HIVEP2: variants seen among roughly 807,000 people sequenced by gnomAD.
HIVEP2 encodes transcription factor HIVEP2.
In HIVEP2, 14 loss-of-function variants were observed where a neutral mutation model predicts 180.7. The ratio of observed to expected loss-of-function variants is 0.08; its 90% confidence interval spans 0.05 to 0.12. HIVEP2 has a LOEUF of 0.12. Among genes scored for constraint, HIVEP2 ranks in the 10% least tolerant of loss-of-function variants. The probability of loss-of-function intolerance (pLI) is 1.00; values close to 1 mark genes in which losing one functional copy is unlikely to be tolerated. For synonymous variants in HIVEP2, 1,184 were observed against 1,136.4 expected (o/e 1.04, Z -0.84); for missense variants, 2,579 against 3,008.5 (o/e 0.86, Z 3.34).
chr6:142,944,590 G>A (rs1003959495), intron 1 of HIVEP2, among the ~76,000 whole-genome samples: 19 of 152,336 alleles, frequency 1.2e-4, no homozygotes, highest in Non-Finnish European at 2.5e-4. Flanking sequence ...AGCCGGCAGT[G>A]CCGCCGCGGC....
intron 1 of HIVEP2, among the ~76,000 whole-genome samples, chr6:142,872,032 T>C (rs750305484): frequency 7.9e-5 from 12 of 152,164 alleles, no homozygotes; most frequent in South Asian, 2.1e-4. Context: ...TCTGAATCAC[T>C]GCCATTACCC....
intron 9 of HIVEP2, among the ~76,000 whole-genome samples, chr6:142,757,730 G>A (rs1221814832): frequency 6.6e-6 from 1 of 152,034 alleles, no homozygotes; most frequent in Non-Finnish European, 1.5e-5. Context: ...AAAAAAACTT[G>A]TACAAACTCA....
At chr6:142,792,521 G>A (rs952475682) in intron 2 of HIVEP2, among the ~76,000 whole-genome samples, 5 of 152,004 alleles carry the variant, frequency 3.3e-5, no homozygotes, top group African/African-American at 9.7e-5. Context: ...GAGAACACAC[G>A]GACACAGGAA....
chr6:142,893,329 G>A (rs757336001), intron 1 of HIVEP2, among the ~76,000 whole-genome samples: 1 of 152,208 alleles, frequency 6.6e-6, no homozygotes, highest in Non-Finnish European at 1.5e-5. Context: ...AAACCCCACA[G>A]TAAAACAATT....
intron 1 of HIVEP2, among the ~76,000 whole-genome samples, chr6:142,888,661 C>G (rs567855801): frequency 1.3e-5 from 2 of 152,222 alleles, no homozygotes; most frequent in South Asian, 2.1e-4. Flanking sequence ...TTGATGAGGT[C>G]AAACATTCAA....
chr6:142,777,484 T>TA (rs1356390771), intron 3 of HIVEP2, among the ~76,000 whole-genome samples: 4 of 151,550 alleles, frequency 2.6e-5, no homozygotes, highest in Non-Finnish European at 4.4e-5. Flanking sequence ...CTGTTTCTAC[T>TA]AAAAATATAA....
chr6:142,909,403 T>C (rs1777345794), intron 1 of HIVEP2, among the ~76,000 whole-genome samples: 1 of 152,166 alleles, frequency 6.6e-6, no homozygotes, highest in Non-Finnish European at 1.5e-5. Context: ...TATCTACATA[T>C]ATGAGTATTT....
intron 1 of HIVEP2, among the ~76,000 whole-genome samples, chr6:142,917,711 G>A (rs1195097259): frequency 6.6e-6 from 1 of 151,780 alleles, no homozygotes; most frequent in Non-Finnish European, 1.5e-5. Context: ...ATTAGACACA[G>A]AAATTCTGCT....
Position 142,796,111 on chromosome 6 carries a change from T to C in HIVEP2, c.-527-12496A>G, listed in dbSNP as rs189333876. Among the ~76,000 whole-genome samples the C allele has an allele frequency of 1.9e-4, 29 of 152,240 alleles. 1 individual carries two copies. In the East Asian group the frequency reaches 5.6e-3, roughly 29 times the overall value. Reference sequence around the variant, plus strand: ...TCATTGATACTAATGAACAAAGCAGTTTTATTGCTGAATAAGGAAACCCAA... The same window carrying C: ...TCATTGATACTAATGAACAAAGCAGCTTTATTGCTGAATAAGGAAACCCAA... On this transcript the variant is annotated intron_variant, in intron 2 of 9. Transcript: ENST00000367603.
At chr6:142,793,803 A>C (rs1776217858) in intron 2 of HIVEP2, among the ~76,000 whole-genome samples, 1 of 151,456 alleles carries the variant, frequency 6.6e-6, no homozygotes, top group Non-Finnish European at 1.5e-5. Flanking sequence ...AGTAGCTGGG[A>C]CTATAGGTGC....
intron 1 of HIVEP2, among the ~76,000 whole-genome samples, chr6:142,849,360 C>A (rs557497371): frequency 1.6e-3 from 251 of 152,226 alleles, no homozygotes; most frequent in African/African-American, 5.8e-3. Flanking sequence ...GGTTTTAGAG[C>A]AAACTAAGTT....
intron 2 of HIVEP2, among the ~76,000 whole-genome samples, chr6:142,828,499 C>T (rs934714370): frequency 2.0e-5 from 3 of 151,814 alleles, no homozygotes; most frequent in East Asian, 1.9e-4. Context: ...TGCAGTAGAG[C>T]GATCTCAGCT....
At chr6:142,829,815 A>T (rs1025474806) in intron 2 of HIVEP2, among the ~76,000 whole-genome samples, 1 of 152,248 alleles carries the variant, frequency 6.6e-6, no homozygotes, top group Non-Finnish European at 1.5e-5. Context: ...CCACTTAAGG[A>T]TGATGACAGA....
At chr6:142,787,097 A>T (rs572898960) in intron 2 of HIVEP2, among the ~76,000 whole-genome samples, 1 of 148,936 alleles carries the variant, frequency 6.7e-6, no homozygotes, top group Non-Finnish European at 1.5e-5. Flanking sequence ...CTATCTCTAT[A>T]AAAAAAAATT....
intron 4 of HIVEP2, among the ~76,000 whole-genome samples, chr6:142,775,883 A>T (rs370155403): frequency 6.6e-6 from 1 of 151,144 alleles, no homozygotes; most frequent in East Asian, 1.9e-4. Flanking sequence ...TATAAATATA[A>T]CATAGTATAC....
intron 3 of HIVEP2, among the ~76,000 whole-genome samples, chr6:142,778,046 G>T (rs934897691): frequency 6.6e-6 from 1 of 152,152 alleles, no homozygotes; most frequent in African/African-American, 2.4e-5. Context: ...TTTGTAGTAA[G>T]ACATCTGTAC....
At chr6:142,755,871 T>C (rs1367262423) in intron 9 of HIVEP2, among the ~76,000 whole-genome samples, 2 of 152,198 alleles carry the variant, frequency 1.3e-5, no homozygotes, top group Non-Finnish European at 2.9e-5. Flanking sequence ...CAGGCATTTC[T>C]ACACATCCTC....
intron 1 of HIVEP2, among the ~76,000 whole-genome samples, chr6:142,867,211 CTT>C (rs901760741): frequency 6.6e-6 from 1 of 151,446 alleles, no homozygotes. Flanking sequence ...ATTTCATAGT[CTT>C]TTTTTTTCTT....
Position 142,772,195 on chromosome 6 carries a change from A to C in HIVEP2, c.2544T>G (p.Pro848=), listed in dbSNP as rs1244585167. 8 of 1,614,060 alleles carry C rather than the reference A, an allele frequency of 5.0e-6. No individual in the cohort carries two copies. In the African/African-American group the frequency reaches 8.0e-5, roughly 16 times the overall value. ...CACCATCCCCAGGTGGAGCCCACTC[A>C]GGACTCACTGGGGCTTCTGAAATCT... ...DSEISEAPVS[P]EWAPPGDGAE... is the part of the protein sequence containing the mutation. Residue 848 remains proline, a synonymous_variant, in exon 5 of 10, where the codon CCT becomes CCG. Transcript: ENST00000367603. This position sits in a 1 kb window ranked among gnomAD's most constrained non-coding sequence, Gnocchi z 4.9.
Sources: gnomAD v4.1 joint callset for allele counts (sites outside exome capture counted in the v4.1 genomes callset) on GRCh38, gnomAD v4.1.1 for gene constraint, Gnocchi (gnomAD v3.1) non-coding constraint, MANE v1.5 for transcripts, NCBI Gene and HGNC (gene_info 2026-07-23, HGNC 2026-07-21) for gene names.